Variants in MCCC2 observed in about 807,000 individuals in gnomAD.
MCCC2 encodes the protein methylcrotonyl-CoA carboxylase subunit 2, also known as methylcrotonoyl-CoA carboxylase beta chain, mitochondrial.
In MCCC2, 52 loss-of-function variants were observed where a neutral mutation model predicts 77.2. The observed-to-expected ratio is 0.67, with a 90% CI of 0.54 to 0.85. The LOEUF (loss-of-function observed/expected upper bound fraction) is 0.85, where lower values mean the gene tolerates loss of function less well. MCCC2 is among the 40% of genes least tolerant of loss of function. The pLI, the probability that MCCC2 is intolerant of heterozygous loss-of-function variation, is 0.00. For missense variants in MCCC2, 682 were observed against 703.2 expected, an observed-to-expected ratio of 0.97 and a Z score of 0.34; for synonymous variants, 253 against 248.4, an observed-to-expected ratio of 1.02 and a Z score of -0.18.
At chr5:71,630,087 G>A (rs1746657031) in intron 7 of MCCC2, among the ~76,000 whole-genome samples, 1 of 152,184 alleles carries the variant, frequency 6.6e-6, no homozygotes, top group African/African-American at 2.4e-5. Flanking sequence ...CTGAAGTTCT[G>A]TTGGAGAACT....
chr5:71,651,636 T>C (rs1478673833), intron 15 of MCCC2, among the ~76,000 whole-genome samples: 1 of 152,186 alleles, frequency 6.6e-6, no homozygotes, highest in African/African-American at 2.4e-5. Context: ...CATCCATCCA[T>C]GCCTCACATC....
At position 71,626,622 on chromosome 5, in the gene MCCC2, C is replaced by T. The variant is rs763090809; in HGVS notation, c.625-18C>T. 30 of 1,595,742 alleles carry T rather than the reference C, an allele frequency of 1.9e-5. No homozygotes were observed. Among genetic ancestry groups the T allele is most frequent in the Middle Eastern group, 1.7e-4 (1 of 6,026 alleles). ...CATGAGCTGCATCTCATGTGTTTGT[C>T]GTGTGCTTGGATTCCAGATCGCAGT... On this transcript the variant is annotated intron_variant, in intron 6 of 16. Transcript: ENST00000340941.
At position 71,648,900 on chromosome 5, in the gene MCCC2, A is replaced by G. The variant is rs982501036; in HGVS notation, c.1217-197A>G. Among the ~76,000 whole-genome samples the G allele has an allele frequency of 3.3e-5, 5 of 152,250 alleles. No individual in the cohort carries two copies. The East Asian group carries it at 7.7e-4, about 23-fold the overall frequency. ...CAGATGAACTGCTTTAAGAAAATTT[A>G]GAAAGTGATTAGAGAAAATTTTATT... On this transcript the variant is annotated intron_variant, in intron 13 of 16. Transcript: ENST00000340941.
intron 1 of MCCC2, among the ~76,000 whole-genome samples, chr5:71,591,986 T>C (rs1745002352): frequency 6.6e-6 from 1 of 152,212 alleles, no homozygotes; most frequent in South Asian, 2.1e-4. Flanking sequence ...CAGGCTGGTC[T>C]CAAACTCCTG....
chr5:71,632,375 C>G (rs895983959), intron 8 of MCCC2, among the ~76,000 whole-genome samples, 190 bp downstream of exon 8: 4 of 152,154 alleles, frequency 2.6e-5, no homozygotes, highest in South Asian at 4.1e-4. Flanking sequence ...AGAGCATCAG[C>G]CAAGAAGGAC....
intron 7 of MCCC2, among the ~76,000 whole-genome samples, chr5:71,631,174 G>A (rs796221238): frequency 4.5e-4 from 69 of 152,284 alleles, no homozygotes; most frequent in African/African-American, 1.5e-3. Flanking sequence ...ATTCAAAGAT[G>A]AATAAATCAC....
chr5:71,630,834 A>G (rs1054491431), intron 7 of MCCC2, among the ~76,000 whole-genome samples: 9 of 152,064 alleles, frequency 5.9e-5, no homozygotes, highest in African/African-American at 1.7e-4. Context: ...TCTCTGTGCT[A>G]TATTTTAGAT....
intron 3 of MCCC2, among the ~76,000 whole-genome samples, chr5:71,599,303 G>A (rs967788711): frequency 2.6e-5 from 4 of 152,098 alleles, no homozygotes; most frequent in Non-Finnish European, 5.9e-5. Context: ...TCAGGAGGTG[G>A]AGGTTGCAGT....
intron 6 of MCCC2, among the ~76,000 whole-genome samples, chr5:71,620,112 T>C (rs1208914278): frequency 6.6e-6 from 1 of 152,188 alleles, no homozygotes; most frequent in Non-Finnish European, 1.5e-5. Context: ...CAGAACATAC[T>C]GGATAAGACT....
intron 3 of MCCC2, among the ~76,000 whole-genome samples, chr5:71,598,788 A>G (rs373900964): frequency 4.6e-5 from 6 of 131,606 alleles, no homozygotes; most frequent in Admixed American, 1.5e-4. Flanking sequence ...GTCTCATTCC[A>G]TTGCCCAGGC....
At chr5:71,622,983 A>G (rs1377867973) in intron 6 of MCCC2, among the ~76,000 whole-genome samples, 2 of 152,174 alleles carry the variant, frequency 1.3e-5, no homozygotes, top group Non-Finnish European at 2.9e-5. Context: ...AAAGTTGTAC[A>G]TATTTCTGCA....
intron 15 of MCCC2, among the ~76,000 whole-genome samples, chr5:71,652,314 A>C (rs773840195): frequency 6.6e-6 from 1 of 152,228 alleles, no homozygotes; most frequent in Non-Finnish European, 1.5e-5. Context: ...TGAGAATCTC[A>C]TACTTTTCCA....
At chr5:71,627,045 G>C (rs971757017) in intron 7 of MCCC2, among the ~76,000 whole-genome samples, 4 of 152,020 alleles carry the variant, frequency 2.6e-5, no homozygotes, top group Admixed American at 1.3e-4. Flanking sequence ...CTGTCCTTAT[G>C]AATTTGACTA....
chr5:71,653,724 A>G (rs1047156679), intron 16 of MCCC2, among the ~76,000 whole-genome samples: 30 of 151,784 alleles, frequency 2.0e-4, no homozygotes, highest in African/African-American at 7.0e-4. Flanking sequence ...GATGGTGTGC[A>G]CCTGTAGTCC....
At chr5:71,630,469 ATTC>A (rs1405268974) in intron 7 of MCCC2, among the ~76,000 whole-genome samples, 1 of 151,938 alleles carries the variant, frequency 6.6e-6, no homozygotes, top group Admixed American at 6.6e-5. Flanking sequence ...CTGATGACAA[ATTC>A]TTATTTTTTT....
intron 6 of MCCC2, among the ~76,000 whole-genome samples, chr5:71,605,993 T>G (rs1745660040): frequency 6.6e-6 from 1 of 152,236 alleles, no homozygotes; most frequent in African/African-American, 2.4e-5. Context: ...TAGTACAGTT[T>G]GAAGTCAGGT....
chr5:71,593,155 T>A (rs1745049208), intron 2 of MCCC2, among the ~76,000 whole-genome samples, 163 bp downstream of exon 2: 1 of 151,554 alleles, frequency 6.6e-6, no homozygotes, highest in African/African-American at 2.4e-5. Flanking sequence ...TGGCGCCATC[T>A]CAGCTCACTG....
intron 6 of MCCC2, among the ~76,000 whole-genome samples, chr5:71,619,181 T>G (rs1746283218): frequency 6.6e-6 from 1 of 152,194 alleles, no homozygotes; most frequent in Non-Finnish European, 1.5e-5. Context: ...AAATGTATCT[T>G]GTTGGTTTTC....
chr5:71,604,408 A>C lies in MCCC2; in HGVS notation c.564A>C (p.Arg188=), dbSNP rs1319604535. 2.5e-6 allele frequency: 4 copies of C among 1,614,072 alleles called. No homozygotes were observed. In the African/African-American group the frequency reaches 5.3e-5, roughly 22 times the overall value. Reference sequence around the variant, plus strand: ...GACAAGCAGATGTGTTTCCAGATCGAGACCACTTTGGCCGTACATTCTATA... The same window carrying C: ...GACAAGCAGATGTGTTTCCAGATCGCGACCACTTTGGCCGTACATTCTATA... ...LPRQADVFPD[R]DHFGRTFYNQ... The change falls in exon 6 of 17, where the codon CGA becomes CGC. Residue 188 remains arginine (R), a synonymous_variant. Coordinates refer to ENST00000340941, the MANE Select transcript of MCCC2 (RefSeq NM_022132.5).
Sources: gnomAD v4.1 joint callset for allele counts (sites outside exome capture counted in the v4.1 genomes callset) on GRCh38, gnomAD v4.1.1 for gene constraint, MANE v1.5 for transcripts, NCBI Gene and HGNC (gene_info 2026-07-23, HGNC 2026-07-21) for gene names.